MEGF11: variants seen among roughly 807,000 people sequenced by gnomAD.
MEGF11 encodes the protein multiple epidermal growth factor-like domains protein 11.
In MEGF11, 126 loss-of-function variants were observed where a neutral mutation model predicts 146.6. The ratio of observed to expected loss-of-function variants is 0.86; its 90% CI spans 0.74 to 1.00. The LOEUF is 1.00. MEGF11 is among the 50% of genes least tolerant of loss of function. The pLI, the probability that MEGF11 is intolerant of heterozygous loss-of-function variation, is 0.00. For missense variants in MEGF11, 1,509 were observed against 1,521.2 expected, an observed-to-expected ratio of 0.99 and a Z score of 0.13; for synonymous variants, 532 against 583.4, an observed-to-expected ratio of 0.91 and a Z score of 1.27.
chr15:65,903,347 C>T (rs373308836), intron 24 of MEGF11, among the ~76,000 whole-genome samples: 8 of 152,284 alleles, frequency 5.3e-5, no homozygotes, highest in African/African-American at 1.9e-4. Flanking sequence ...TGCAGAATCA[C>T]TGTGCTAGGG....
intron 1 of MEGF11, among the ~76,000 whole-genome samples, chr15:66,248,696 T>C (rs1223298977): frequency 6.6e-6 from 1 of 152,184 alleles, no homozygotes; most frequent in Non-Finnish European, 1.5e-5. Context: ...AGGATCAAAC[T>C]AAAAGCAAGG....
Position 66,007,222 on chromosome 15 carries a change from T to A in MEGF11, c.395-24734A>T, listed in dbSNP as rs2082546773. Among the ~76,000 whole-genome samples the A allele has an allele frequency of 2.0e-5, 3 of 152,188 alleles. No individual in the cohort carries two copies. In the South Asian group the frequency reaches 6.2e-4, roughly 32 times the overall value. On this transcript the variant is annotated intron_variant, in intron 5 of 25. Coordinates refer to ENST00000395614, the MANE Select transcript of MEGF11 (RefSeq NM_001385028.1). Reference sequence around the variant, plus strand: ...ATGTTGACGGCAGCGTTTACATGCATCACTAGCAGCATGAGGCTTATGCAA... The same window carrying A: ...ATGTTGACGGCAGCGTTTACATGCAACACTAGCAGCATGAGGCTTATGCAA...
At chr15:66,176,535 C>T (rs1233058759) in intron 1 of MEGF11, among the ~76,000 whole-genome samples, 1 of 152,192 alleles carries the variant, frequency 6.6e-6, no homozygotes, top group Non-Finnish European at 1.5e-5. Context: ...GAGCCTCAGT[C>T]ACACCAGTGA....
chr15:66,066,926 T>C (rs1475320359), intron 5 of MEGF11, among the ~76,000 whole-genome samples: 1 of 152,156 alleles, frequency 6.6e-6, no homozygotes, highest in Non-Finnish European at 1.5e-5. Context: ...TCACCCACAA[T>C]TGATTCCAGT....
At chr15:66,078,533 A>T (rs2085692123) in intron 5 of MEGF11, among the ~76,000 whole-genome samples, 1 of 152,146 alleles carries the variant, frequency 6.6e-6, no homozygotes, top group Non-Finnish European at 1.5e-5. Context: ...CTCCCCCATC[A>T]CCAGGCCCCT....
chr15:66,032,942 G>A (rs1416628929), intron 5 of MEGF11, among the ~76,000 whole-genome samples: 1 of 152,042 alleles, frequency 6.6e-6, no homozygotes, highest in Non-Finnish European at 1.5e-5. Flanking sequence ...TTAGCCAGGT[G>A]TGGTGGCAGG....
At chr15:66,193,106 T>C (rs1168545832) in intron 1 of MEGF11, among the ~76,000 whole-genome samples, 2 of 152,228 alleles carry the variant, frequency 1.3e-5, no homozygotes, top group Non-Finnish European at 2.9e-5. Context: ...AAACTGTCAG[T>C]ATACAAAGGC....
intron 1 of MEGF11, among the ~76,000 whole-genome samples, chr15:66,233,896 G>A (rs1426420453): frequency 6.6e-6 from 1 of 151,526 alleles, no homozygotes. Context: ...CATTAAGAGA[G>A]ACAGGCAGTC....
At chr15:66,186,763 CA>C (rs1339101649) in intron 1 of MEGF11, among the ~76,000 whole-genome samples, 1 of 152,252 alleles carries the variant, frequency 6.6e-6, no homozygotes, top group Non-Finnish European at 1.5e-5. Flanking sequence ...ATGGTCTAGA[CA>C]GGTTTTCTCT....
Position 66,005,519 on chromosome 15 carries a change from G to A in MEGF11, c.395-23031C>T, listed in dbSNP as rs117478487. Among the ~76,000 whole-genome samples, 31 of 152,278 alleles carry A rather than the reference G, an allele frequency of 2.0e-4. 1 individual carries two copies. The East Asian group carries it at 4.6e-3, about 23-fold the overall frequency. On this transcript the variant is annotated intron_variant, in intron 5 of 25. Transcript: ENST00000395614. The stretch of plus-strand genomic sequence containing the variant: ...GTGGAACGATCTCTCAAGGTGGGAA[G>A]CAAAAAAGGCAGGAGTGTGGAGGCT...
At chr15:65,999,736 A>G (rs547327575) in intron 5 of MEGF11, among the ~76,000 whole-genome samples, 1 of 152,218 alleles carries the variant, frequency 6.6e-6, no homozygotes, top group African/African-American at 2.4e-5. Flanking sequence ...TCGGTACTAC[A>G]TTTCAACAAA....
At chr15:66,079,818 C>G (rs1422312493) in intron 5 of MEGF11, among the ~76,000 whole-genome samples, 1 of 152,116 alleles carries the variant, frequency 6.6e-6, no homozygotes, top group Non-Finnish European at 1.5e-5. Context: ...TGGGAAGGAC[C>G]AGCTGCCTTT....
Position 65,990,905 on chromosome 15 carries a change from C to T in MEGF11, c.395-8417G>A, listed in dbSNP as rs112756818. Among the ~76,000 whole-genome samples, 654 of 152,234 alleles carry T rather than the reference C, an allele frequency of 4.3e-3. 5 individuals carry two copies. Among genetic ancestry groups the T allele is most frequent in the African/African-American group, 0.015 (633 of 41,534 alleles). ...GAAAAAGAAAAATTGGAGGTGGTTA[C>T]CCGAGCTCTGAGCTGAGCTATCACT... is the stretch of plus-strand genomic sequence containing the variant. On this transcript the variant is annotated intron_variant, in intron 5 of 25. Coordinates refer to ENST00000395614, the MANE Select transcript of MEGF11 (RefSeq NM_001385028.1).
intron 15 of MEGF11, among the ~76,000 whole-genome samples, chr15:65,920,724 T>C (rs1303463354): frequency 6.6e-6 from 1 of 152,288 alleles, no homozygotes; most frequent in East Asian, 1.9e-4. Context: ...GCAGTGTCTG[T>C]AATTTGTAAC....
At chr15:66,035,488 A>G (rs2083694563) in intron 5 of MEGF11, among the ~76,000 whole-genome samples, 1 of 152,166 alleles carries the variant, frequency 6.6e-6, no homozygotes, top group African/African-American at 2.4e-5. Context: ...CTGGCCTGGG[A>G]GGCCCTTCTT....
In MEGF11 at chr15:65,897,853, A is replaced by C; in HGVS notation, c.*81T>G. The C allele has an allele frequency of 3.7e-6, 5 of 1,367,150 alleles. No homozygotes were observed. The highest frequency in any genetic ancestry group is 5.0e-6 in the Non-Finnish European group (5 of 990,922). 84.7% of individuals were successfully genotyped at this position (1,367,150 alleles called of 1,614,324 possible). A position where few individuals can be genotyped will look rare whatever the true frequency, so the allele number is the denominator to read the frequency against. On this transcript the variant is annotated 3_prime_UTR_variant, in exon 26 of 26. Transcript: ENST00000395614. ...CATGCAGCTGGAGCCAGTCTGTACCATTACTTCAAGTCAAGGGACTGTCTT... is the reference window on the plus strand; with the variant it reads ...CATGCAGCTGGAGCCAGTCTGTACCCTTACTTCAAGTCAAGGGACTGTCTT...
At chr15:65,923,643 T>C (rs952146406) in intron 13 of MEGF11, among the ~76,000 whole-genome samples, 1 of 152,274 alleles carries the variant, frequency 6.6e-6, no homozygotes, top group Admixed American at 6.5e-5. Context: ...TTCTCTGTAC[T>C]ATGATGTATT....
At chr15:66,136,873 C>T (rs575685656) in intron 1 of MEGF11, among the ~76,000 whole-genome samples, 3 of 151,930 alleles carry the variant, frequency 2.0e-5, no homozygotes, top group Admixed American at 6.6e-5. Flanking sequence ...ACAAACAATA[C>T]GGGAAAAAAA....
At chr15:66,221,750 T>G (rs932271775) in intron 1 of MEGF11, among the ~76,000 whole-genome samples, 1 of 152,086 alleles carries the variant, frequency 6.6e-6, no homozygotes, top group Non-Finnish European at 1.5e-5. Context: ...CTACTATAAT[T>G]TTGCCTAACA....
Sources: allele counts gnomAD v4.1 joint callset (sites outside exome capture counted in the v4.1 genomes callset), GRCh38; gene constraint gnomAD v4.1.1; transcripts MANE v1.5; gene names NCBI Gene and HGNC (gene_info 2026-07-23, HGNC 2026-07-21).